Variants in CORIN observed in about 807,000 individuals in gnomAD.
The protein encoded by CORIN is atrial natriuretic peptide-converting enzyme.
CORIN carries 117 observed loss-of-function variants against 125.3 expected under a neutral mutation model. The ratio of observed to expected loss-of-function variants is 0.93; its 90% CI spans 0.80 to 1.09. The LOEUF is 1.09. Ranked by LOEUF, CORIN falls within the 50% of genes least tolerant of loss-of-function variation. CORIN has a pLI of 0.00. For synonymous variants in CORIN, 450 were observed against 466.4 expected, an observed-to-expected ratio of 0.96 and a Z score of 0.45; for missense variants, 1,253 against 1,306.7, an observed-to-expected ratio of 0.96 and a Z score of 0.63.
chr4:47,599,922 G>T (rs1487032364), intron 21 of CORIN, among the ~76,000 whole-genome samples: 1 of 152,140 alleles, frequency 6.6e-6, no homozygotes, highest in Non-Finnish European at 1.5e-5. Flanking sequence ...CCACTAAAAT[G>T]GTTGAATGAG....
chr4:47,775,345 T>A (rs1730247401), intron 3 of CORIN, among the ~76,000 whole-genome samples: 1 of 152,116 alleles, frequency 6.6e-6, no homozygotes, highest in South Asian at 2.1e-4. Context: ...ATTAGGTATA[T>A]CTCCTAATGC....
At chr4:47,733,224 T>C (rs1416904796) in intron 5 of CORIN, among the ~76,000 whole-genome samples, 1 of 152,234 alleles carries the variant, frequency 6.6e-6, no homozygotes, top group Non-Finnish European at 1.5e-5. Flanking sequence ...ATTATTTCTA[T>C]TGTAAAGTTG....
At chr4:47,668,453 C>T (rs1409382704) in intron 10 of CORIN, among the ~76,000 whole-genome samples, 1 of 152,198 alleles carries the variant, frequency 6.6e-6, no homozygotes, top group East Asian at 1.9e-4. Context: ...ATTCCTATCA[C>T]CCTTCAATTT....
chr4:47,726,195 G>A (rs1727587015), intron 5 of CORIN, among the ~76,000 whole-genome samples: 1 of 152,042 alleles, frequency 6.6e-6, no homozygotes, highest in Non-Finnish European at 1.5e-5. Context: ...TGGAAAAACT[G>A]TTGACAGATA....
At chr4:47,628,398 A>T (rs1722669165) in intron 16 of CORIN, among the ~76,000 whole-genome samples, 1 of 152,130 alleles carries the variant, frequency 6.6e-6, no homozygotes, top group East Asian at 1.9e-4. Context: ...AATGGCTACC[A>T]CAATCAAGCT....
chr4:47,805,692 T>C (rs1731762875), intron 2 of CORIN, among the ~76,000 whole-genome samples: 2 of 152,148 alleles, frequency 1.3e-5, no homozygotes, highest in African/African-American at 4.8e-5. Flanking sequence ...AGCAGATCAA[T>C]GTTATTTTCA....
At chr4:47,615,169 G>A (rs1722027332) in intron 19 of CORIN, among the ~76,000 whole-genome samples, 1 of 152,194 alleles carries the variant, frequency 6.6e-6, no homozygotes, top group African/African-American at 2.4e-5. Context: ...AGCATGGTTA[G>A]AGCCCAGTGA....
rs1380068958 is a variant in CORIN, at chr4:47,786,857, C to T, written c.277G>A (p.Gly93Arg). The change falls in exon 3 of 22, where the codon GGG becomes AGG. Residue 93 changes from glycine (G) to arginine (R), a missense_variant. Transcript: ENST00000273857. ...EPLVTDGEIQ[G>R]SDVILTNTIY... ...GTATTTGTAAGAATAACATCGGACC[C>T]TTGGATTTCACCATCAGTGACCAAA... 1 of 1,613,826 alleles carries T rather than the reference C, an allele frequency of 6.2e-7. No homozygotes were observed. Among genetic ancestry groups the T allele is most frequent in the Admixed American group, 1.7e-5 (1 of 60,016 alleles).
chr4:47,826,613 T>C (rs1732752779), intron 1 of CORIN, among the ~76,000 whole-genome samples: 1 of 152,238 alleles, frequency 6.6e-6, no homozygotes, highest in African/African-American at 2.4e-5. Context: ...GATTCTGACC[T>C]TTCTGCCTCT....
chr4:47,717,744 A>C (rs186474232), intron 5 of CORIN, among the ~76,000 whole-genome samples: 29 of 152,368 alleles, frequency 1.9e-4, no homozygotes, highest in Non-Finnish European at 3.4e-4. Context: ...GGCATAGCAC[A>C]GAATGAAAGA....
intron 8 of CORIN, among the ~76,000 whole-genome samples, chr4:47,678,256 A>T (rs554143865): frequency 6.6e-6 from 1 of 152,296 alleles, no homozygotes; most frequent in Non-Finnish European, 1.5e-5. Flanking sequence ...TTTTCTTGAG[A>T]ACTGTGTGAT....
In CORIN at chr4:47,721,249, C is replaced by T. The variant is rs1207173949; in HGVS notation, c.799+23153G>A. Among the ~76,000 whole-genome samples, 9 of 151,746 alleles carry T rather than the reference C, an allele frequency of 5.9e-5. No homozygotes were observed. In the East Asian group the frequency reaches 1.7e-3, roughly 29 times the overall value. ...AGCACTTCTAATCCCATCATGGGGG[C>T]TCCACCCCCATAACCTCATTTTTTC... On this transcript the variant is annotated intron_variant, in intron 5 of 21. Coordinates refer to ENST00000273857, the MANE Select transcript of CORIN (RefSeq NM_006587.4).
intron 13 of CORIN, among the ~76,000 whole-genome samples, chr4:47,652,453 G>C (rs569113300): frequency 6.6e-5 from 10 of 152,180 alleles, no homozygotes; most frequent in Non-Finnish European, 1.3e-4. Context: ...TGCTTGTCAT[G>C]AAAGTGTCAA....
chr4:47,643,942 G>A (rs11941639), intron 14 of CORIN, among the ~76,000 whole-genome samples: 8,551 of 152,134 alleles, frequency 0.056, 299 homozygotes, highest in Non-Finnish European at 0.086. Flanking sequence ...CATGTGCTCC[G>A]ATATCAGGGC....
At chr4:47,670,523 G>A (rs1031387745) in intron 10 of CORIN, among the ~76,000 whole-genome samples, 4 of 152,136 alleles carry the variant, frequency 2.6e-5, no homozygotes, top group African/African-American at 9.7e-5. Context: ...TATTCAAAAA[G>A]CAAACCTGTT....
chr4:47,624,831 A>T (rs1185700641), intron 17 of CORIN, among the ~76,000 whole-genome samples: 1 of 152,036 alleles, frequency 6.6e-6, no homozygotes, highest in Non-Finnish European at 1.5e-5. Context: ...CCATATTGGG[A>T]CTTTCAAAAA....
chr4:47,639,480 A>G lies in CORIN; in HGVS notation c.2198+2440T>C, dbSNP rs188658000. Among the ~76,000 whole-genome samples the G allele has an allele frequency of 1.9e-3, 290 of 152,312 alleles. 1 individual carries two copies. Among genetic ancestry groups the G allele is most frequent in the African/African-American group, 6.7e-3 (278 of 41,572 alleles). ...GCCCATAAGCAGATACTCAAAAATA[A>G]AAAGGGAAGGGGAATGCTGAATGGA... On this transcript the variant is annotated intron_variant, in intron 16 of 21. Coordinates refer to ENST00000273857, the MANE Select transcript of CORIN (RefSeq NM_006587.4).
intron 12 of CORIN, among the ~76,000 whole-genome samples, chr4:47,659,479 C>T (rs74564941): frequency 6.6e-6 from 1 of 152,184 alleles, no homozygotes; most frequent in Non-Finnish European, 1.5e-5. Flanking sequence ...GACATCTGCT[C>T]AGCTTCTATG....
At chr4:47,686,553 C>T (rs984922709) in intron 6 of CORIN, among the ~76,000 whole-genome samples, 4 of 152,178 alleles carry the variant, frequency 2.6e-5, no homozygotes, top group Non-Finnish European at 5.9e-5. Flanking sequence ...GGTTATGACA[C>T]TGGTTCTTCT....
Sources: allele counts gnomAD v4.1 joint callset (sites outside exome capture counted in the v4.1 genomes callset), GRCh38; gene constraint gnomAD v4.1.1; transcripts MANE v1.5; gene names NCBI Gene and HGNC (gene_info 2026-07-23, HGNC 2026-07-21).